The following DNAAF11 variants were observed in gnomAD, a reference collection of about 807,000 sequenced individuals.
DNAAF11 encodes the protein dynein axonemal assembly factor 11, also known as leucine rich repeat containing 6.
Under a neutral mutation model 60.8 loss-of-function variants are expected in DNAAF11, and 45 were observed. The ratio of observed to expected loss-of-function variants is 0.74; its 90% CI spans 0.58 to 0.95. DNAAF11 has a LOEUF of 0.95. Ranked by LOEUF, DNAAF11 falls within the 40% of genes least tolerant of loss-of-function variation. DNAAF11 has a pLI of 0.00. For missense variants in DNAAF11, 546 were observed against 546.2 expected, an observed-to-expected ratio of 1.00 and a Z score of 0.00; for synonymous variants, 191 against 183.5, an observed-to-expected ratio of 1.04 and a Z score of -0.33.
At chr8:132,593,487 G>A (rs1816694281) in intron 10 of DNAAF11, among the ~76,000 whole-genome samples, 1 of 150,866 alleles carries the variant, frequency 6.6e-6, no homozygotes, top group Non-Finnish European at 1.5e-5. Flanking sequence ...ACGTTAAGAT[G>A]TCAGGTCTTC....
intron 10 of DNAAF11, among the ~76,000 whole-genome samples, chr8:132,602,861 C>T (rs148459384): frequency 3.3e-5 from 5 of 151,774 alleles, no homozygotes; most frequent in African/African-American, 1.2e-4. Context: ...CTGGGTTTGC[C>T]AGGCATGTGT....
intron 4 of DNAAF11, among the ~76,000 whole-genome samples, chr8:132,633,424 CA>C (rs563483012): frequency 1.1e-3 from 161 of 152,258 alleles, no homozygotes; most frequent in African/African-American, 3.8e-3. Flanking sequence ...GCTATTGTTA[CA>C]GCATTGTTTA....
intron 4 of DNAAF11, among the ~76,000 whole-genome samples, chr8:132,633,585 G>A (rs1433651560): frequency 6.6e-6 from 1 of 152,128 alleles, no homozygotes; most frequent in Non-Finnish European, 1.5e-5. Context: ...TTTAGGAAGG[G>A]GTGGTTGGAA....
At chr8:132,659,150 C>T (rs1823881585) in intron 2 of DNAAF11, among the ~76,000 whole-genome samples, 1 of 152,172 alleles carries the variant, frequency 6.6e-6, no homozygotes, top group Non-Finnish European at 1.5e-5. Flanking sequence ...GACAAGACCC[C>T]ACATGGCCCC....
chr8:132,679,897 A>G (rs1249357856), upstream of DNAAF11, among the ~76,000 whole-genome samples: 1 of 152,202 alleles, frequency 6.6e-6, no homozygotes, highest in East Asian at 1.9e-4. Context: ...GACATTGCCC[A>G]GTCTCAGGTA....
In DNAAF11 at chr8:132,661,110, T is replaced by C. The variant is rs140979192; in HGVS notation, c.178+350A>G. Among the ~76,000 whole-genome samples, 9 of 152,210 alleles carry C rather than the reference T, an allele frequency of 5.9e-5. No individual in the cohort carries two copies. The East Asian group carries it at 1.5e-3, about 26-fold the overall frequency. Reference sequence around the variant, plus strand: ...CTGACAAGGACTCCCTCAATTCTCATATAAATTTGTTTTGCAGTGTGATGT... The same window carrying C: ...CTGACAAGGACTCCCTCAATTCTCACATAAATTTGTTTTGCAGTGTGATGT... On this transcript the variant is annotated intron_variant, in intron 2 of 11. Coordinates refer to ENST00000620350, the MANE Select transcript of DNAAF11 (RefSeq NM_012472.6).
At chr8:132,674,046 AAGGAGCAGGAGGAGG>A (rs1349733182) in intron 1 of DNAAF11, among the ~76,000 whole-genome samples, 1,443 of 101,978 alleles carry the variant, frequency 0.014, 64 homozygotes, top group African/African-American at 0.039. Flanking sequence ...GCAGGAGCAG[AAGGAGCAGGAGGAGG>A]AGGAGCAGGA....
the DNAAF11 span, among the ~76,000 whole-genome samples, chr8:132,693,540 A>G: frequency 3.3e-5 from 5 of 152,002 alleles, no homozygotes; most frequent in Non-Finnish European, 7.4e-5. Flanking sequence ...CAGCAGTAAG[A>G]CAACTAGAAC....
intron 2 of DNAAF11, among the ~76,000 whole-genome samples, chr8:132,657,246 T>C (rs1233563169): frequency 6.6e-6 from 1 of 152,186 alleles, no homozygotes; most frequent in East Asian, 1.9e-4. Context: ...CAAAAAGCCA[T>C]GGCAGTCTTT....
At chr8:132,674,980 C>A (rs1240723256) in intron 1 of DNAAF11, among the ~76,000 whole-genome samples, 1 of 152,200 alleles carries the variant, frequency 6.6e-6, no homozygotes, top group Non-Finnish European at 1.5e-5. Flanking sequence ...AGCTGAGGCC[C>A]AAGGGGTGAA....
intron 1 of DNAAF11, among the ~76,000 whole-genome samples, chr8:132,663,032 G>A (rs773113864): frequency 4.6e-5 from 7 of 152,236 alleles, no homozygotes; most frequent in Non-Finnish European, 8.8e-5. Context: ...GCAATGTAGA[G>A]GTTGAGAGAT....
At chr8:132,608,102 T>C (rs1285789154) in intron 10 of DNAAF11, among the ~76,000 whole-genome samples, 4 of 152,174 alleles carry the variant, frequency 2.6e-5, no homozygotes, top group African/African-American at 9.6e-5. Context: ...AATTAGAATT[T>C]TTTTAACTTT....
intron 9 of DNAAF11, 139 bp downstream of exon 9, chr8:132,611,155 A>T: frequency 1.9e-6 from 1 of 532,072 alleles, no homozygotes; most frequent in South Asian, 3.0e-5. Flanking sequence ...TGGCCTCCCA[A>T]AGTGCTGGGA....
At chr8:132,610,119 G>T in intron 10 of DNAAF11, 47 bp downstream of exon 10, 1 of 1,375,130 alleles carries the variant, frequency 7.3e-7, no homozygotes, top group South Asian at 1.2e-5. Context: ...GTTCCTTCAG[G>T]AACCCTCATA....
chr8:132,594,079 G>C (rs148847810), intron 10 of DNAAF11, among the ~76,000 whole-genome samples: 1 of 152,146 alleles, frequency 6.6e-6, no homozygotes, highest in East Asian at 1.9e-4. Context: ...CAAATAATAA[G>C]CAGAATAAAA....
chr8:132,625,683 G>A (rs1820197099), intron 5 of DNAAF11, among the ~76,000 whole-genome samples: 1 of 152,178 alleles, frequency 6.6e-6, no homozygotes. Flanking sequence ...AATAGGGCAG[G>A]CCTTCATCTT....
intron 5 of DNAAF11, 81 bp from the exon 6 acceptor site, chr8:132,625,535 A>G (rs1820176909): frequency 9.6e-7 from 1 of 1,046,084 alleles, no homozygotes; most frequent in Non-Finnish European, 1.4e-6. Context: ...TAATATCTAT[A>G]CACTTTTCTT....
chr8:132,580,555 C>A (rs1815217123), intron 11 of DNAAF11, among the ~76,000 whole-genome samples: 2 of 151,794 alleles, frequency 1.3e-5, no homozygotes, highest in Non-Finnish European at 1.5e-5. Flanking sequence ...GTGTACTTTA[C>A]CACAATGAAA....
chr8:132,653,404 CTGAAA>C (rs578103924), intron 3 of DNAAF11, among the ~76,000 whole-genome samples: 24 of 151,862 alleles, frequency 1.6e-4, no homozygotes, highest in Middle Eastern at 3.4e-3. Context: ...GTTTTTTAGG[CTGAAA>C]TGAAAAGACA....
Sources: allele counts gnomAD v4.1 joint callset (sites outside exome capture counted in the v4.1 genomes callset), GRCh38; gene constraint gnomAD v4.1.1; transcripts MANE v1.5; gene names NCBI Gene and HGNC (gene_info 2026-07-23, HGNC 2026-07-21).